The following EMID1 variants were observed in gnomAD, a reference collection of about 807,000 sequenced individuals.
EMID1 encodes EMI domain-containing protein 1.
Under a neutral mutation model 60.6 loss-of-function variants are expected in EMID1, and 40 were observed. The ratio of observed to expected loss-of-function variants is 0.66; its 90% CI spans 0.51 to 0.86. The LOEUF is 0.86. EMID1 is among the 40% of genes least tolerant of loss of function. EMID1 has a pLI of 0.00. For synonymous variants in EMID1, 242 were observed against 231.0 expected (o/e 1.05, Z -0.43); for missense variants, 585 against 597.1 (o/e 0.98, Z 0.21).
intron 3 of EMID1, among the ~76,000 whole-genome samples, chr22:29,224,183 A>T (rs911150056): frequency 6.6e-6 from 1 of 152,158 alleles, no homozygotes; most frequent in East Asian, 1.9e-4. Flanking sequence ...GGCCAGAGGG[A>T]CCCGTCTGGT....
rs533967879 is a variant in EMID1, at chr22:29,213,128, A to T, written c.102-1798A>T. The stretch of plus-strand genomic sequence containing the variant: ...CTGTCTCTCTCTTAATGTAATAGAA[A>T]TGCAATCACTGTATATCCATTGGTC... On this transcript the variant is annotated intron_variant, in intron 1 of 14. Coordinates refer to ENST00000334018, the MANE Select transcript of EMID1 (RefSeq NM_133455.4). 2.6e-5 allele frequency among the ~76,000 whole-genome samples: 4 copies of T among 152,338 alleles called. No homozygotes were observed. The South Asian group carries it at 8.3e-4, about 32-fold the overall frequency.
At chr22:29,219,305 C>T (rs932910495) in intron 3 of EMID1, among the ~76,000 whole-genome samples, 5 of 152,136 alleles carry the variant, frequency 3.3e-5, no homozygotes, top group Non-Finnish European at 7.4e-5. Context: ...ATAGAGAGGC[C>T]GGGGCTCCCT....
At chr22:29,255,375 G>C in intron 14 of EMID1, 1 of 1,437,232 alleles carries the variant, frequency 7.0e-7, no homozygotes, top group Non-Finnish European at 9.3e-7. Context: ...ATGGCAGGGC[G>C]GGCAGGCAGG....
chr22:29,233,859 C>A, intron 10 of EMID1, 193 bp downstream of exon 10: 1 of 688,180 alleles, frequency 1.5e-6, no homozygotes, highest in Non-Finnish European at 2.4e-6. Context: ...CTTATTCAAT[C>A]CAAGTAATGA....
intron 13 of EMID1, 106 bp downstream of exon 13, chr22:29,243,595 A>T: frequency 7.7e-7 from 1 of 1,304,020 alleles, no homozygotes; most frequent in Middle Eastern, 2.2e-4. Context: ...TCCCATCCAC[A>T]TCCCCACTAC....
At chr22:29,226,702 C>T (rs773043796) in intron 5 of EMID1, 151 bp downstream of exon 5, 1 of 714,458 alleles carries the variant, frequency 1.4e-6, no homozygotes, top group Non-Finnish European at 2.2e-6. Flanking sequence ...CGGCGAGCAG[C>T]ATCCCCTGTC....
chr22:29,234,010 G>A, intron 10 of EMID1, 127 bp from the exon 11 acceptor site: 1 of 1,019,126 alleles, frequency 9.8e-7, no homozygotes, highest in South Asian at 1.6e-5. Flanking sequence ...GCGGTGTGCT[G>A]GGTGTATGGT....
intron 1 of EMID1, among the ~76,000 whole-genome samples, chr22:29,209,484 T>TG (rs1001891641): frequency 6.6e-6 from 1 of 152,136 alleles, no homozygotes; most frequent in Admixed American, 6.5e-5. Flanking sequence ...CACATGGGGA[T>TG]GGGTCCCTTC....
chr22:29,216,645 G>A (rs957205695), intron 3 of EMID1: 2 of 985,498 alleles, frequency 2.0e-6, no homozygotes, highest in South Asian at 9.4e-5. Context: ...GGTGTTTCTT[G>A]GGAGATTTGC....
chr22:29,209,115 G>C (rs9625735), intron 1 of EMID1, among the ~76,000 whole-genome samples: 2 of 152,134 alleles, frequency 1.3e-5, no homozygotes, highest in Non-Finnish European at 2.9e-5. Context: ...CCCCGGGCCC[G>C]CTTGGCTGCC....
In EMID1 at chr22:29,215,596, C is replaced by A; in HGVS notation, c.285C>A (p.Cys95Ter). 6.2e-7 allele frequency: 1 copy of A among 1,614,112 alleles called. No homozygotes were observed. The highest frequency in any genetic ancestry group is 8.5e-7 in the Non-Finnish European group (1 of 1,179,984). ...TAGTGACCGCCCGTGAGTGGAGGTG[C>A]TGCCCTGGGCACTCAGGAGTGAGCT... ...YKIVTAREWR[C>*]CPGHSGVSCE... Residue 95 changes from cysteine to a stop codon, truncating the protein, a stop_gained, in exon 3 of 15, where the codon TGC becomes TGA. Transcript: ENST00000334018. LOFTEE classifies it high-confidence loss of function.
chr22:29,226,892 C>T (rs1213298870), intron 5 of EMID1, among the ~76,000 whole-genome samples: 1 of 152,152 alleles, frequency 6.6e-6, no homozygotes, highest in Non-Finnish European at 1.5e-5. Context: ...TGTGAGCTCC[C>T]TCCCATGGGG....
At position 29,226,533 on chromosome 22, in the gene EMID1, G is replaced by A; in HGVS notation, c.447G>A (p.Leu149=). 3 of 1,611,968 alleles carry A rather than the reference G, an allele frequency of 1.9e-6. No homozygotes were observed. Among genetic ancestry groups the A allele is most frequent in the South Asian group, 1.1e-5 (1 of 90,684 alleles). The change falls in exon 5 of 15, where the codon CTG becomes CTA. Residue 149 remains leucine (L), a synonymous_variant. Coordinates refer to ENST00000334018, the MANE Select transcript of EMID1 (RefSeq NM_133455.4). ...CSKVSELTER[L]KVLEAKMTML... ...AAGTGTCAGAGCTGACAGAGCGGCT[G>A]AAGGTGCTGGAGGCCAAGGTGGGTG...
chr22:29,241,899 G>A (rs76995535), intron 12 of EMID1, among the ~76,000 whole-genome samples: 3,492 of 151,824 alleles, frequency 0.023, 56 homozygotes, highest in Middle Eastern at 0.058. Flanking sequence ...TTGTCTCTCT[G>A]TGCTTTATAT....
chr22:29,225,020 T>C, intron 3 of EMID1, 113 bp from the exon 4 acceptor site: 1 of 1,056,712 alleles, frequency 9.5e-7, no homozygotes, highest in Admixed American at 2.0e-5. Context: ...TCTGGGCCTC[T>C]GTGTCCTACG....
intron 12 of EMID1, among the ~76,000 whole-genome samples, chr22:29,235,583 TA>T (rs2040916559): frequency 6.6e-6 from 1 of 151,980 alleles, no homozygotes; most frequent in African/African-American, 2.4e-5. Context: ...TTTTCTTTTT[TA>T]GAGACAGGGT....
chr22:29,231,712 C>T (rs1383288280), intron 7 of EMID1, 30 bp downstream of exon 7: 1 of 1,436,202 alleles, frequency 7.0e-7, no homozygotes, highest in Non-Finnish European at 9.2e-7. Flanking sequence ...CCCCACAGCT[C>T]CTCTGGCCAT....
At chr22:29,208,038 C>T (rs554391939) in intron 1 of EMID1, among the ~76,000 whole-genome samples, 38 of 152,318 alleles carry the variant, frequency 2.5e-4, no homozygotes, top group African/African-American at 8.4e-4. Flanking sequence ...CTTCTTTCCT[C>T]GTGGGAAGGA....
chr22:29,254,593 A>T (rs992395041), intron 14 of EMID1: 1 of 319,224 alleles, frequency 3.1e-6, no homozygotes, highest in Non-Finnish European at 6.0e-6. Flanking sequence ...TTAAGTTTGG[A>T]AGAAATTATG....
Sources: gnomAD v4.1 joint callset for allele counts (sites outside exome capture counted in the v4.1 genomes callset) on GRCh38, gnomAD v4.1.1 for gene constraint, MANE v1.5 for transcripts, NCBI Gene and HGNC (gene_info 2026-07-23, HGNC 2026-07-21) for gene names.